SNX18: variants seen among roughly 807,000 people sequenced by gnomAD.
SNX18 encodes the protein sorting nexin-18.
In SNX18, 35 loss-of-function variants were observed where a neutral mutation model predicts 48.7. The ratio of observed to expected loss-of-function variants is 0.72; its 90% CI spans 0.55 to 0.95. The LOEUF is 0.95. Ranked by LOEUF, SNX18 falls within the 40% of genes least tolerant of loss-of-function variation. SNX18 has a pLI of 0.00. For missense variants in SNX18, 824 were observed against 871.0 expected (o/e 0.95, Z 0.68); for synonymous variants, 492 against 384.7 (o/e 1.28, Z -3.26).
chr5:54,623,110 T>C, the SNX18 span, among the ~76,000 whole-genome samples: 1 of 152,158 alleles, frequency 6.6e-6, no homozygotes, highest in Non-Finnish European at 1.5e-5. Flanking sequence ...GGGCTCAGTC[T>C]CTGTAGTGAT....
the SNX18 span, among the ~76,000 whole-genome samples, chr5:54,610,021 C>T: frequency 6.6e-6 from 1 of 152,150 alleles, no homozygotes; most frequent in African/African-American, 2.4e-5. Context: ...CACCATGTGA[C>T]ATGCCTGCTT....
At chr5:54,552,454 T>C in the SNX18 span, among the ~76,000 whole-genome samples, 4 of 152,216 alleles carry the variant, frequency 2.6e-5, no homozygotes, top group African/African-American at 9.6e-5. Flanking sequence ...ACTCTTTCAA[T>C]ACAAAAACTT....
At chr5:54,643,444 C>T in the SNX18 span, 1 of 152,034 alleles carries the variant, frequency 6.6e-6, no homozygotes, top group African/African-American at 2.4e-5. Flanking sequence ...CATGGATTAC[C>T]CTCCTCCCCC....
the SNX18 span, among the ~76,000 whole-genome samples, chr5:54,610,756 T>A: frequency 6.6e-6 from 1 of 152,154 alleles, no homozygotes; most frequent in Non-Finnish European, 1.5e-5. Context: ...GGTGTTGAAG[T>A]AATTAGGAGG....
In SNX18 at chr5:54,518,334, T is replaced by G. The variant is rs758262936; in HGVS notation, c.382T>G (p.Tyr128Asp). ...TFQPPGAGFP[Y>D]GGGALQPSPQ... ...CCAGCCGCCCGGCGCGGGCTTCCCG[T>G]ACGGCGGGGGCGCCCTGCAGCCGTC... The change falls in exon 1 of 2, where the codon TAC (tyrosine) becomes GAC (aspartate). Residue 128 changes from tyrosine (Y) to aspartate (D), a missense_variant. Around this residue, in one of 3 missense-constraint regions of SNX18, gnomAD observed 377 missense variants for 350.6 expected, o/e 1.08. Transcript: ENST00000381410. 7 of 1,548,146 alleles carry G rather than the reference T, an allele frequency of 4.5e-6. No homozygotes were observed. The highest frequency in any genetic ancestry group is 4.2e-5 in the African/African-American group (3 of 71,056).
At chr5:54,555,577 G>A in the SNX18 span, among the ~76,000 whole-genome samples, 2,023 of 152,160 alleles carry the variant, frequency 0.013, 37 homozygotes, top group African/African-American at 0.045. Flanking sequence ...GTTCATGCCT[G>A]TAATCCCAGC....
At chr5:54,628,436 T>C in the SNX18 span, among the ~76,000 whole-genome samples, 3 of 152,162 alleles carry the variant, frequency 2.0e-5, no homozygotes, top group African/African-American at 7.2e-5. Flanking sequence ...GCTGTCACTC[T>C]GGCCTCCGTC....
At chr5:54,611,596 C>T in the SNX18 span, among the ~76,000 whole-genome samples, 3 of 152,172 alleles carry the variant, frequency 2.0e-5, no homozygotes, top group Non-Finnish European at 2.9e-5. Context: ...GCTAGGAAAT[C>T]GTGTCTACTG....
the SNX18 span, among the ~76,000 whole-genome samples, chr5:54,646,263 C>T: frequency 3.9e-4 from 59 of 152,306 alleles, no homozygotes; most frequent in South Asian, 0.012. Flanking sequence ...AGAGATATGG[C>T]TTTAATCTTT....
chr5:54,594,971 C>T, the SNX18 span, among the ~76,000 whole-genome samples: 5 of 152,148 alleles, frequency 3.3e-5, no homozygotes, highest in African/African-American at 9.7e-5. Context: ...TAATGGCCTC[C>T]AGATGCATCT....
chr5:54,619,530 C>T, the SNX18 span, among the ~76,000 whole-genome samples: 3 of 152,012 alleles, frequency 2.0e-5, no homozygotes, highest in South Asian at 6.2e-4. Flanking sequence ...GTCGTACAAA[C>T]GTAAAAACCT....
downstream of SNX18, among the ~76,000 whole-genome samples, chr5:54,550,441 T>TA (rs1219102045): frequency 5.3e-5 from 8 of 151,424 alleles, no homozygotes; most frequent in South Asian, 2.1e-4. Context: ...CTATCATTTT[T>TA]AAAAAAAACA....
chr5:54,632,710 C>G, the SNX18 span, among the ~76,000 whole-genome samples: 1,479 of 152,284 alleles, frequency 9.7e-3, 11 homozygotes, highest in Non-Finnish European at 0.015. Context: ...CACACACACA[C>G]TCTTTATATT....
chr5:54,582,552 A>G, the SNX18 span, among the ~76,000 whole-genome samples: 1 of 152,142 alleles, frequency 6.6e-6, no homozygotes, highest in Non-Finnish European at 1.5e-5. Context: ...TGAGCCTAGG[A>G]GTTCAAGACC....
the SNX18 span, among the ~76,000 whole-genome samples, chr5:54,636,231 C>G: frequency 6.6e-6 from 1 of 152,148 alleles, no homozygotes; most frequent in Non-Finnish European, 1.5e-5. Flanking sequence ...CCATCAGGCC[C>G]ATTCAGAAGT....
chr5:54,638,723 G>A, the SNX18 span, among the ~76,000 whole-genome samples: 1 of 152,142 alleles, frequency 6.6e-6, no homozygotes, highest in South Asian at 2.1e-4. Flanking sequence ...AATCTTACAA[G>A]ATATGTATTT....
chr5:54,604,762 T>G, the SNX18 span, among the ~76,000 whole-genome samples: 47,659 of 152,028 alleles, frequency 0.31, 7,869 homozygotes, highest in East Asian at 0.38. Context: ...ATGGTTAAAA[T>G]GGCAAAATTT....
the SNX18 span, among the ~76,000 whole-genome samples, chr5:54,603,567 A>G: frequency 6.6e-6 from 1 of 152,056 alleles, no homozygotes; most frequent in Non-Finnish European, 1.5e-5. Context: ...AATTTAAGAG[A>G]TTTTTCAGCT....
chr5:54,584,117 C>A, the SNX18 span, among the ~76,000 whole-genome samples: 12 of 140,876 alleles, frequency 8.5e-5, no homozygotes, highest in Non-Finnish European at 1.4e-4. Context: ...GTGGCACAAT[C>A]TCAGCTCATT....
Sources: allele counts gnomAD v4.1 joint callset (sites outside exome capture counted in the v4.1 genomes callset), GRCh38; gene constraint gnomAD v4.1.1; regional missense constraint gnomAD v4.1.1; transcripts MANE v1.5; gene names NCBI Gene and HGNC (gene_info 2026-07-23, HGNC 2026-07-21).